Variants in ERCC8 observed in about 807,000 individuals in gnomAD.
ERCC8 encodes the protein DNA excision repair protein ERCC-8.
Under a neutral mutation model 54.9 loss-of-function variants are expected in ERCC8, and 52 were observed. That is an observed-to-expected ratio of 0.95 (90% CI 0.76 to 1.19). The LOEUF is 1.19. Ranked by LOEUF, ERCC8 falls within the 50% of genes most tolerant of loss-of-function variation. The pLI is 0.00. For missense variants in ERCC8, 514 were observed against 466.1 expected, an observed-to-expected ratio of 1.10 and a Z score of -0.95; for synonymous variants, 146 against 157.2, an observed-to-expected ratio of 0.93 and a Z score of 0.53.
In ERCC8 at chr5:60,912,474, G is replaced by A. The variant is rs1159282103; in HGVS notation, c.399+5791C>T. ...GAGACTTTGCTGAAGTTGCTTATCA[G>A]CTTAAAGAGATTTTGGGCTCAGACG... On this transcript the variant is annotated intron_variant, in intron 4 of 11. Transcript: ENST00000676185. 3.3e-5 allele frequency among the ~76,000 whole-genome samples: 5 copies of A among 152,124 alleles called. 1 individual carries two copies. Among genetic ancestry groups the A allele is most frequent in the African/African-American group, 9.7e-5 (4 of 41,394 alleles).
intron 1 of ERCC8, among the ~76,000 whole-genome samples, chr5:60,943,613 G>A (rs1368648448): frequency 6.6e-6 from 1 of 152,126 alleles, no homozygotes; most frequent in Non-Finnish European, 1.5e-5. Flanking sequence ...CAGATTAAAA[G>A]AGGAAATTGG....
At chr5:60,937,079 G>C (rs1297769409) in intron 1 of ERCC8, among the ~76,000 whole-genome samples, 1 of 152,162 alleles carries the variant, frequency 6.6e-6, no homozygotes, top group African/African-American at 2.4e-5. Flanking sequence ...GAGCTACTGG[G>C]GTCTGGTTGG....
At chr5:60,937,378 T>C (rs1479680512) in intron 1 of ERCC8, among the ~76,000 whole-genome samples, 1 of 152,132 alleles carries the variant, frequency 6.6e-6, no homozygotes, top group East Asian at 1.9e-4. Flanking sequence ...ATGTCTTTTG[T>C]CTTCAGCTAC....
At chr5:60,929,939 A>T (rs1749859023) in intron 1 of ERCC8, among the ~76,000 whole-genome samples, 1 of 152,214 alleles carries the variant, frequency 6.6e-6, no homozygotes, top group African/African-American at 2.4e-5. Flanking sequence ...TCAAATTATA[A>T]ATTTTTGGCC....
chr5:60,890,585 C>T (rs1397128786), intron 10 of ERCC8, among the ~76,000 whole-genome samples: 1 of 151,966 alleles, frequency 6.6e-6, no homozygotes, highest in East Asian at 1.9e-4. Context: ...TATTTCTTAC[C>T]CAAAAGATTG....
chr5:60,877,320 T>C (rs1579981033), intron 11 of ERCC8, among the ~76,000 whole-genome samples: 1 of 152,232 alleles, frequency 6.6e-6, no homozygotes, highest in African/African-American at 2.4e-5. Flanking sequence ...GTGTGATGCC[T>C]CCAGCTTTGT....
At position 60,899,725 on chromosome 5, in the gene ERCC8, G is replaced by T. The variant is rs1200567303; in HGVS notation, c.620C>A (p.Ala207Asp). Residue 207 changes from alanine (A) to aspartate (D), a missense_variant and splice_region_variant, in exon 8 of 12, where the codon GCT becomes GAT. Ala to Asp is a moderately radical substitution (Grantham distance 126). Transcript: ENST00000676185. ...ATCCCATAATTTTACTCTACTGTCA[G>T]CACTGAGAAGAAATAAATGTTACAT... ...RYDYILATAS[A>D]DSRVKLWDVR... is the part of the protein sequence containing the mutation. 6.2e-7 allele frequency: 1 copy of T among 1,602,966 alleles called. No individual in the cohort carries two copies. Among genetic ancestry groups the T allele is most frequent in the Non-Finnish European group, 8.5e-7 (1 of 1,170,890 alleles).
chr5:60,908,583 A>ATATATTTTTT (rs527918086), intron 4 of ERCC8, among the ~76,000 whole-genome samples: 58 of 141,892 alleles, frequency 4.1e-4, no homozygotes, highest in African/African-American at 1.4e-3. Context: ...ATATATATAT[A>ATATATTTTTT]TTTTTTTTTT....
At chr5:60,881,180 T>C (rs529284009) in intron 11 of ERCC8, among the ~76,000 whole-genome samples, 2 of 152,224 alleles carry the variant, frequency 1.3e-5, no homozygotes, top group East Asian at 1.9e-4. Context: ...ACAGTGGATA[T>C]TGGTGAATAG....
intron 4 of ERCC8, among the ~76,000 whole-genome samples, chr5:60,911,435 TG>T (rs200980327): frequency 5.9e-5 from 9 of 151,304 alleles, no homozygotes; most frequent in African/African-American, 2.2e-4. Context: ...TACTTTTTGA[TG>T]GGTTTTTTTT....
rs567608321 is a variant in ERCC8, at chr5:60,894,854, G to C, written c.843+3422C>G. Reference sequence around the variant, plus strand: ...ATGCATATCAACAAAATCCACTGTCGTCAGGGCTAATATTGAAGTTTAAAT... The same window carrying C: ...ATGCATATCAACAAAATCCACTGTCCTCAGGGCTAATATTGAAGTTTAAAT... On this transcript the variant is annotated intron_variant, in intron 9 of 11. Coordinates refer to ENST00000676185, the MANE Select transcript of ERCC8 (RefSeq NM_000082.4). Among the ~76,000 whole-genome samples, 27 of 152,048 alleles carry C rather than the reference G, an allele frequency of 1.8e-4. No homozygotes were observed. In the South Asian group the frequency reaches 3.9e-3, roughly 22 times the overall value.
Position 60,933,205 on chromosome 5 carries a change from T to C in ERCC8, c.78-4246A>G, listed in dbSNP as rs1332539498. On this transcript the variant is annotated intron_variant, in intron 1 of 11. Transcript: ENST00000676185. ...TATGTATATCTATGTATGCATTTTT[T>C]CCTTTTTTTTCTTTTTTTTTTTTTT... Among the ~76,000 whole-genome samples, 12 of 142,754 alleles carry C rather than the reference T, an allele frequency of 8.4e-5. 1 individual carries two copies. The highest frequency in any genetic ancestry group is 3.6e-3 in the Middle Eastern group (1 of 280). The allele number at this position is 142,754 out of a possible 152,430, so 93.7% of individuals were successfully genotyped here. A position where few individuals can be genotyped will look rare whatever the true frequency, so the allele number is the denominator to read the frequency against.
chr5:60,884,523 G>GTTTTTTTTTTTTTTTTTTT (rs71606648), intron 11 of ERCC8, among the ~76,000 whole-genome samples: 1 of 128,128 alleles, frequency 7.8e-6, no homozygotes, highest in Non-Finnish European at 1.6e-5. Context: ...GTGTGTATGT[G>GTTTTTTTTTTTTTTTTTTT]TTTTTTTTTT....
chr5:60,881,587 C>A (rs546327107), intron 11 of ERCC8, among the ~76,000 whole-genome samples: 1 of 152,220 alleles, frequency 6.6e-6, no homozygotes, highest in South Asian at 2.1e-4. Context: ...GCCTGGCTGC[C>A]GCCTTGCAGT....
intron 2 of ERCC8, among the ~76,000 whole-genome samples, chr5:60,925,076 T>C (rs1239470785): frequency 1.3e-5 from 2 of 152,208 alleles, no homozygotes; most frequent in Admixed American, 6.5e-5. Context: ...AATGATTTTG[T>C]AGGAACTTTG....
intron 2 of ERCC8, among the ~76,000 whole-genome samples, chr5:60,925,593 T>G (rs1749723569): frequency 6.6e-6 from 1 of 152,212 alleles, no homozygotes; most frequent in African/African-American, 2.4e-5. Flanking sequence ...GTATATCAGA[T>G]GCCTTATCGC....
chr5:60,898,158 T>G (rs990765217), intron 9 of ERCC8, 118 bp downstream of exon 9: 20 of 1,205,490 alleles, frequency 1.7e-5, no homozygotes, highest in Admixed American at 6.4e-5. Flanking sequence ...AGAAACACAT[T>G]TTTAAAAACA....
At chr5:60,918,086 A>G in intron 4 of ERCC8, 179 bp downstream of exon 4, 1 of 597,426 alleles carries the variant, frequency 1.7e-6, no homozygotes. Flanking sequence ...GCCCAATGTC[A>G]TACAGCTGTC....
At chr5:60,942,782 G>A (rs1287917674) in intron 1 of ERCC8, among the ~76,000 whole-genome samples, 1 of 151,958 alleles carries the variant, frequency 6.6e-6, no homozygotes, top group Non-Finnish European at 1.5e-5. Context: ...TAATGTGCAG[G>A]GTATTGCATG....
Sources: allele counts gnomAD v4.1 joint callset (sites outside exome capture counted in the v4.1 genomes callset), GRCh38; gene constraint gnomAD v4.1.1; transcripts MANE v1.5; gene names NCBI Gene and HGNC (gene_info 2026-07-23, HGNC 2026-07-21).